The following CUL2 variants were observed in gnomAD, a reference collection of about 807,000 sequenced individuals.
CUL2 encodes cullin-2.
Under a neutral mutation model 110.2 loss-of-function variants are expected in CUL2, and 22 were observed. The ratio of observed to expected loss-of-function variants is 0.20; its 90% confidence interval spans 0.14 to 0.28. The LOEUF (loss-of-function observed/expected upper bound fraction) is 0.28. CUL2 is among the 10% of genes least tolerant of loss of function. The pLI is 1.00. For synonymous variants in CUL2, 279 were observed against 293.2 expected (o/e 0.95, Z 0.49); for missense variants, 631 against 905.5 (o/e 0.70, Z 3.89).
intron 2 of CUL2, chr10:35,099,401 A>G (rs1254708248): frequency 6.6e-6 from 1 of 151,946 alleles, no homozygotes; most frequent in Non-Finnish European, 1.5e-5. Context: ...AAAAAAAAAA[A>G]AAAAAAAAAT....
At chr10:35,063,218 C>A (rs2086428409) in intron 2 of CUL2, among the ~76,000 whole-genome samples, 156 bp from the exon 3 acceptor site, 2 of 152,154 alleles carry the variant, frequency 1.3e-5, no homozygotes, top group South Asian at 4.1e-4. Flanking sequence ...AGATAGAATA[C>A]ATAACCATGC....
chr10:35,078,365 G>A (rs578200174), intron 1 of CUL2, among the ~76,000 whole-genome samples: 137 of 150,250 alleles, frequency 9.1e-4, no homozygotes, highest in Middle Eastern at 3.4e-3. Context: ...GCATGATCTC[G>A]GCTCACCACA....
chr10:35,028,642 G>A lies in CUL2; in HGVS notation c.1617+168C>T, dbSNP rs184740629. Among the ~76,000 whole-genome samples the A allele has an allele frequency of 2.0e-5, 3 of 152,212 alleles. No individual in the cohort carries two copies. The East Asian group carries it at 5.8e-4, about 29-fold the overall frequency. On this transcript the variant is annotated intron_variant, in intron 16 of 20. Coordinates refer to ENST00000374749, the MANE Select transcript of CUL2 (RefSeq NM_003591.4). ...TCTTAGCATTTTAGTATCAATATTAGTAACTACAATAACTTACATTCTTCC... is the reference window on the plus strand; with the variant it reads ...TCTTAGCATTTTAGTATCAATATTAATAACTACAATAACTTACATTCTTCC...
Position 35,035,265 on chromosome 10 carries a change from A to G in CUL2, c.909T>C (p.Ala303=). 1 of 1,614,224 alleles carries G rather than the reference A, an allele frequency of 6.2e-7. No homozygotes were observed. The highest frequency in any genetic ancestry group is 2.2e-5 in the East Asian group (1 of 44,886). The change falls in exon 10 of 21, where the codon GCT becomes GCC. Residue 303 remains alanine (A), a synonymous_variant. Coordinates refer to ENST00000374749, the MANE Select transcript of CUL2 (RefSeq NM_003591.4). ...TCATATGAGGTAAACCAGTGGACAC[A>G]GCACGGAGTAAGACGTACATATTTG... The part of the protein sequence containing the change: ...DMANMYVLLR[A]VSTGLPHMIQ...
chr10:35,060,807 T>C, intron 4 of CUL2, 67 bp downstream of exon 4: 1 of 1,272,062 alleles, frequency 7.9e-7, no homozygotes, highest in African/African-American at 1.5e-5. Flanking sequence ...AATAAAAAAA[T>C]TATCCTGTCA....
Position 35,039,013 on chromosome 10 carries a change from C to A in CUL2, c.784G>T (p.Val262Leu). Residue 262 changes from valine (V) to leucine (L), a missense_variant, in exon 9 of 21, where the codon GTG becomes TTG. This residue lies in a region of CUL2 where 338 missense variants were observed against 442.5 expected (regional missense o/e 0.76). Transcript: ENST00000374749. ...ATTCGTTGTTGACATTCATGAATCA[C>A]CTTAGTATATGAACTTGGATGTAGG... is the stretch of plus-strand genomic sequence containing the variant. ...KYLHPSSYTK[V>L]IHECQQRMVA... 6.2e-7 allele frequency: 1 copy of A among 1,608,108 alleles called. No homozygotes were observed. The highest frequency in any genetic ancestry group is 1.1e-5 in the South Asian group (1 of 90,546).
At chr10:35,082,940 T>C (rs899956910) in intron 1 of CUL2, among the ~76,000 whole-genome samples, 2 of 152,014 alleles carry the variant, frequency 1.3e-5, no homozygotes, top group African/African-American at 4.8e-5. Context: ...GGCAGATCAC[T>C]TGAGGTCAGG....
intron 1 of CUL2, among the ~76,000 whole-genome samples, chr10:35,114,212 G>C (rs7918498): frequency 6.0e-5 from 9 of 151,220 alleles, no homozygotes; most frequent in African/African-American, 2.2e-4. Flanking sequence ...GTGAGCCACC[G>C]CACCTGGCCC....
rs907390774 is a variant in CUL2 at position 35,027,225 on chromosome 10, A to G, written c.1617+1585T>C. Among the ~76,000 whole-genome samples the G allele has an allele frequency of 2.0e-5, 3 of 150,706 alleles. No homozygotes were observed. In the South Asian group the frequency reaches 6.3e-4, roughly 32 times the overall value. ...AGTGGCGCAAACTCGGCTCACTGCA[A>G]CCTCCACCTCCTGGGTTCAACCGAT... On this transcript the variant is annotated intron_variant, in intron 16 of 20. Transcript: ENST00000374749.
At chr10:35,089,731 A>G (rs79035143) in intron 1 of CUL2, among the ~76,000 whole-genome samples, 22,952 of 152,144 alleles carry the variant, frequency 0.15, 1,954 homozygotes, top group East Asian at 0.24. Flanking sequence ...TGCACGTAGG[A>G]TACTCCTCCC....
chr10:35,035,861 T>G (rs182069257), intron 9 of CUL2, among the ~76,000 whole-genome samples: 109 of 152,340 alleles, frequency 7.2e-4, no homozygotes, highest in African/African-American at 2.6e-3. Context: ...CAGCAGAGAG[T>G]TCCTTTGCCA....
chr10:35,117,528 C>CTT (rs5784440), intron 1 of CUL2, among the ~76,000 whole-genome samples: 3 of 138,370 alleles, frequency 2.2e-5, no homozygotes, highest in African/African-American at 5.3e-5. Flanking sequence ...CTGCAACTGG[C>CTT]TTTTTTTTTT....
intron 2 of CUL2, among the ~76,000 whole-genome samples, chr10:35,064,369 G>C (rs935746532): frequency 6.6e-6 from 1 of 152,134 alleles, no homozygotes; most frequent in Non-Finnish European, 1.5e-5. Context: ...AAATAAGGAT[G>C]CAAATTCTTT....
At chr10:35,087,575 C>T (rs961446715) in intron 1 of CUL2, among the ~76,000 whole-genome samples, 4 of 152,124 alleles carry the variant, frequency 2.6e-5, no homozygotes, top group African/African-American at 9.7e-5. Context: ...CCAACCCCAT[C>T]CCATACAACA....
In CUL2 at chr10:35,028,891, G is replaced by C. The variant is rs776760683; in HGVS notation, c.1540-4C>G. ...GAGTAAGAGGCCACGCACCAGCCTAGAAGGAAAAAAATAAAATAAAATAAG... is the reference window on the plus strand; with the variant it reads ...GAGTAAGAGGCCACGCACCAGCCTACAAGGAAAAAAATAAAATAAAATAAG... On this transcript the variant is annotated splice_region_variant and splice_polypyrimidine_tract_variant and intron_variant, in intron 15 of 20. Transcript: ENST00000374749. 3 of 1,578,080 alleles carry C rather than the reference G, an allele frequency of 1.9e-6. No individual in the cohort carries two copies. In the African/African-American group the frequency reaches 4.1e-5, roughly 22 times the overall value.
intron 2 of CUL2, among the ~76,000 whole-genome samples, chr10:35,095,900 T>G (rs2087290883): frequency 6.6e-6 from 1 of 152,142 alleles, no homozygotes; most frequent in Non-Finnish European, 1.5e-5. Flanking sequence ...CCTTTTATTT[T>G]GGGATACCCC....
chr10:35,076,824 T>A (rs1230516610), intron 1 of CUL2, among the ~76,000 whole-genome samples: 1 of 152,018 alleles, frequency 6.6e-6, no homozygotes, highest in African/African-American at 2.4e-5. Context: ...CCAAGGTGGG[T>A]GGATCACCTG....
chr10:35,057,941 T>C (rs1332994687), intron 4 of CUL2, among the ~76,000 whole-genome samples: 2 of 150,996 alleles, frequency 1.3e-5, no homozygotes, highest in African/African-American at 2.4e-5. Context: ...TAAAAAAAAA[T>C]ACAAAAATTA....
At chr10:35,014,252 G>C (rs188601323) in intron 18 of CUL2, among the ~76,000 whole-genome samples, 1 of 152,162 alleles carries the variant, frequency 6.6e-6, no homozygotes, top group Non-Finnish European at 1.5e-5. Flanking sequence ...ACAAGAGAAA[G>C]CTGTGCCTCC....
Sources: allele counts gnomAD v4.1 joint callset (sites outside exome capture counted in the v4.1 genomes callset), GRCh38; gene constraint gnomAD v4.1.1; regional missense constraint gnomAD v4.1.1; transcripts MANE v1.5; gene names NCBI Gene and HGNC (gene_info 2026-07-23, HGNC 2026-07-21).